Variants in SPATA17 observed in about 807,000 individuals in gnomAD.
The protein encoded by SPATA17 is spermatogenesis associated 17.
SPATA17 carries 53 observed loss-of-function variants against 62.2 expected under a neutral mutation model. That is an observed-to-expected ratio of 0.85 (90% confidence interval 0.68 to 1.07). The LOEUF (loss-of-function observed/expected upper bound fraction) is 1.07. SPATA17 is among the 50% of genes least tolerant of loss of function. The probability of loss-of-function intolerance (pLI) is 0.00; values close to 1 mark genes in which losing one functional copy is unlikely to be tolerated. For synonymous variants in SPATA17, 146 were observed against 146.8 expected, an observed-to-expected ratio of 0.99 and a Z score of 0.04; for missense variants, 466 against 425.5, an observed-to-expected ratio of 1.10 and a Z score of -0.84.
intron 9 of SPATA17, 32 bp downstream of exon 9, chr1:217,801,882 C>A: frequency 6.4e-7 from 1 of 1,568,380 alleles, no homozygotes; most frequent in Non-Finnish European, 8.6e-7. Context: ...AAAAGTTATT[C>A]CTTTTTAAAA....
chr1:217,808,383 C>CACACACACA (rs34932787), intron 9 of SPATA17, among the ~76,000 whole-genome samples: 26 of 68,828 alleles, frequency 3.8e-4, no homozygotes, highest in African/African-American at 8.7e-4. Flanking sequence ...ACACACACAC[C>CACACACACA]CCCCTCAGAA....
At chr1:217,644,870 T>C (rs1400798385) in intron 1 of SPATA17, among the ~76,000 whole-genome samples, 3 of 152,104 alleles carry the variant, frequency 2.0e-5, no homozygotes, top group African/African-American at 7.2e-5. Context: ...TTATTTCAAA[T>C]TCATGTAGAT....
At position 217,774,526 on chromosome 1, in the gene SPATA17, A is replaced by G; in HGVS notation, c.712A>G (p.Lys238Glu). The stretch of plus-strand genomic sequence containing the variant: ...TGAAATTCTACCACCTATTAATAGA[A>G]AGCAATGTCAGGTACTAGTTTGCTG... ...RSEILPPINR[K>E]QCQGPFRDIT... The change falls in exon 7 of 11, where the codon AAG (lysine) becomes GAG (glutamate). Residue 238 changes from lysine to glutamate, a missense_variant. Physicochemically the swap from Lys to Glu is moderately conservative, Grantham distance 56 (BLOSUM62 1). Coordinates refer to ENST00000366933, the MANE Select transcript of SPATA17 (RefSeq NM_138796.4). 1.9e-6 allele frequency: 3 copies of G among 1,613,554 alleles called. No individual in the cohort carries two copies. Among genetic ancestry groups the G allele is most frequent in the Non-Finnish European group, 2.5e-6 (3 of 1,179,650 alleles).
At chr1:217,729,306 T>C (rs572661450) in intron 5 of SPATA17, among the ~76,000 whole-genome samples, 1 of 152,328 alleles carries the variant, frequency 6.6e-6, no homozygotes, top group South Asian at 2.1e-4. Context: ...TACTATGGTG[T>C]CCCTGTTCCC....
chr1:217,639,706 T>C (rs1025961706), intron 1 of SPATA17, among the ~76,000 whole-genome samples: 27 of 152,206 alleles, frequency 1.8e-4, no homozygotes, highest in African/African-American at 5.8e-4. Flanking sequence ...AAAAGTTCAC[T>C]GTACATTTTC....
intron 9 of SPATA17, among the ~76,000 whole-genome samples, chr1:217,842,304 G>A (rs917079307): frequency 2.6e-5 from 4 of 151,756 alleles, no homozygotes; most frequent in African/African-American, 9.7e-5. Flanking sequence ...TTTTAGTATC[G>A]AGATTATGCT....
intron 3 of SPATA17, among the ~76,000 whole-genome samples, chr1:217,654,315 T>C (rs1305975704): frequency 6.6e-6 from 1 of 151,812 alleles, no homozygotes; most frequent in East Asian, 1.9e-4. Flanking sequence ...TTTTCTTGTG[T>C]TTTTGGTATA....
At chr1:217,863,041 T>G (rs1675929482) in intron 10 of SPATA17, among the ~76,000 whole-genome samples, 185 bp downstream of exon 10, 1 of 152,054 alleles carries the variant, frequency 6.6e-6, no homozygotes, top group African/African-American at 2.4e-5. Context: ...ATCATGAATT[T>G]TACTTTTCAG....
intron 5 of SPATA17, among the ~76,000 whole-genome samples, chr1:217,690,216 T>C (rs1671317145): frequency 6.6e-6 from 1 of 152,114 alleles, no homozygotes; most frequent in Non-Finnish European, 1.5e-5. Context: ...ACTTTAGTTT[T>C]TCAGAACTCT....
At chr1:217,679,362 A>G (rs969624269) in intron 4 of SPATA17, among the ~76,000 whole-genome samples, 15 of 152,156 alleles carry the variant, frequency 9.9e-5, no homozygotes, top group Non-Finnish European at 1.9e-4. Context: ...CATTTTTAAC[A>G]TGGAGATCAT....
At chr1:217,741,670 C>A (rs1441307008) in intron 5 of SPATA17, among the ~76,000 whole-genome samples, 1 of 152,098 alleles carries the variant, frequency 6.6e-6, no homozygotes, top group African/African-American at 2.4e-5. Flanking sequence ...AAAAGTTAAT[C>A]TTAAAGCAAA....
chr1:217,687,168 A>G (rs1484747318), intron 5 of SPATA17, among the ~76,000 whole-genome samples: 5 of 152,096 alleles, frequency 3.3e-5, no homozygotes. Context: ...CTGCTTTTTT[A>G]GTAATTAAAA....
At chr1:217,635,494 A>G (rs1052528302) in intron 1 of SPATA17, among the ~76,000 whole-genome samples, 14 of 152,204 alleles carry the variant, frequency 9.2e-5, no homozygotes, top group Non-Finnish European at 1.9e-4. Context: ...ACTTGAGGTC[A>G]GGAGTTCCAG....
chr1:217,863,005 G>A lies in SPATA17; in HGVS notation c.*2+149G>A, dbSNP rs554658356. 1.5e-4 allele frequency: 66 copies of A among 434,276 alleles called. 1 individual carries two copies. Among genetic ancestry groups the A allele is most frequent in the African/African-American group, 6.8e-4 (34 of 49,730 alleles). 26.9% of individuals were successfully genotyped at this position (434,276 alleles called of 1,614,324 possible). ...GACTCCATAAATTTCCTTCATTGTA[G>A]TGTAATGGTTTTCAACATTTAAAAG... is the stretch of plus-strand genomic sequence containing the variant. On this transcript the variant is annotated intron_variant, in intron 10 of 10. Transcript: ENST00000366933.
chr1:217,743,601 T>A (rs994116035), intron 6 of SPATA17, among the ~76,000 whole-genome samples: 1 of 152,030 alleles, frequency 6.6e-6, no homozygotes, highest in Non-Finnish European at 1.5e-5. Flanking sequence ...AATAGTGAAA[T>A]CATTCTTTTT....
intron 4 of SPATA17, among the ~76,000 whole-genome samples, chr1:217,681,275 T>A (rs2102904735): frequency 6.6e-6 from 1 of 152,178 alleles, no homozygotes; most frequent in East Asian, 1.9e-4. Context: ...TTTTCTCTGA[T>A]TTACTTGTTC....
At position 217,868,068 on chromosome 1, in the gene SPATA17, T is replaced by TTA. The variant is rs1209302353; in HGVS notation, c.*1051_*1052dup. The TTA allele has an allele frequency of 2.0e-5, 3 of 152,222 alleles. No individual in the cohort carries two copies. The highest frequency in any genetic ancestry group is 7.2e-5 in the African/African-American group (3 of 41,474). The allele number at this position is 152,222 out of a possible 1,614,324, so 9.4% of individuals were successfully genotyped here. A position where few individuals can be genotyped will look rare whatever the true frequency, so the allele number is the denominator to read the frequency against. ...AAAAAAGGAACCTATTAAAAAGACA[T>TTA]TATCTATCAATCACTGTGTGTGTAC... On this transcript the variant is annotated 3_prime_UTR_variant, in exon 11 of 11. Transcript: ENST00000366933.
In SPATA17 at chr1:217,672,603, C is replaced by A. The variant is rs1360495107; in HGVS notation, c.291+3520C>A. On this transcript the variant is annotated intron_variant, in intron 4 of 10. Transcript: ENST00000366933. ...TTTACAAATTTATTTATAGCCTATCCATCCCTAAATAGATATCAGTCTTTT... is the reference window on the plus strand; with the variant it reads ...TTTACAAATTTATTTATAGCCTATCAATCCCTAAATAGATATCAGTCTTTT... Among the ~76,000 whole-genome samples the A allele has an allele frequency of 2.6e-5, 4 of 151,742 alleles. 1 individual carries two copies. Among genetic ancestry groups the A allele is most frequent in the African/African-American group, 9.7e-5 (4 of 41,126 alleles).
chr1:217,804,540 A>C (rs528512334), intron 9 of SPATA17, among the ~76,000 whole-genome samples: 1 of 152,352 alleles, frequency 6.6e-6, no homozygotes, highest in South Asian at 2.1e-4. Flanking sequence ...ATAGACAAAT[A>C]GAATTGCATC....
Sources: allele counts gnomAD v4.1 joint callset (sites outside exome capture counted in the v4.1 genomes callset), GRCh38; gene constraint gnomAD v4.1.1; transcripts MANE v1.5; gene names NCBI Gene and HGNC (gene_info 2026-07-23, HGNC 2026-07-21).